The following CCDC102B variants were observed in gnomAD, a reference collection of about 807,000 sequenced individuals.
CCDC102B encodes the protein coiled-coil domain containing 102B.
Under a neutral mutation model 57.4 loss-of-function variants are expected in CCDC102B, and 75 were observed. The observed-to-expected ratio is 1.31, with a 90% CI of 1.08 to 1.58. The LOEUF (loss-of-function observed/expected upper bound fraction) is 1.58, where lower values mean the gene tolerates loss of function less well. Among genes scored for constraint, CCDC102B ranks in the 40% most tolerant of loss-of-function variants. The pLI, the probability that CCDC102B is intolerant of heterozygous loss-of-function variation, is 0.00. For synonymous variants in CCDC102B, 206 were observed against 201.9 expected (o/e 1.02, Z -0.17); for missense variants, 636 against 582.6 (o/e 1.09, Z -0.94).
chr18:68,761,606 G>A (rs1031261105), intron 2 of CCDC102B, among the ~76,000 whole-genome samples: 4 of 151,620 alleles, frequency 2.6e-5, no homozygotes, highest in African/African-American at 9.7e-5. Flanking sequence ...TTATTATTTT[G>A]TTGCAAACTT....
At chr18:68,741,704 CA>C (rs1568227133) in intron 2 of CCDC102B, among the ~76,000 whole-genome samples, 69 of 117,178 alleles carry the variant, frequency 5.9e-4, no homozygotes, top group Admixed American at 1.1e-3. Flanking sequence ...CACACACACA[CA>C]CACACACACC....
At chr18:68,983,293 A>G (rs1851593498) in intron 6 of CCDC102B, among the ~76,000 whole-genome samples, 1 of 151,926 alleles carries the variant, frequency 6.6e-6, no homozygotes, top group Non-Finnish European at 1.5e-5. Flanking sequence ...TGAAATGGAC[A>G]TTTGGCAGTT....
In CCDC102B at chr18:69,023,461, A is replaced by G. The variant is rs2051902802; in HGVS notation, c.1434+12357A>G. On this transcript the variant is annotated intron_variant, in intron 7 of 7. Transcript: ENST00000360242. ...CTTATATTATGTAGTGGTATTTAAT[A>G]CTTCAGAATTTAACAAATAATGTAA... 3.3e-5 allele frequency among the ~76,000 whole-genome samples: 5 copies of G among 152,108 alleles called. No individual in the cohort carries two copies. The South Asian group carries it at 1.0e-3, about 32-fold the overall frequency.
intron 2 of CCDC102B, among the ~76,000 whole-genome samples, chr18:68,770,096 T>C (rs2034591253): frequency 6.6e-6 from 1 of 152,156 alleles, no homozygotes; most frequent in African/African-American, 2.4e-5. Context: ...AAGAAGAGCA[T>C]CTCCACATTT....
intron 6 of CCDC102B, among the ~76,000 whole-genome samples, chr18:68,975,204 G>T (rs974274906): frequency 5.3e-5 from 8 of 151,898 alleles, no homozygotes; most frequent in African/African-American, 1.7e-4. Context: ...AATTTTTCAG[G>T]ATTGATTATT....
intron 6 of CCDC102B, among the ~76,000 whole-genome samples, chr18:68,967,858 G>A (rs901830699): frequency 2.0e-5 from 3 of 152,140 alleles, no homozygotes; most frequent in Admixed American, 2.0e-4. Context: ...TCTCAAATTA[G>A]CCATTAAGAG....
intron 6 of CCDC102B, among the ~76,000 whole-genome samples, chr18:68,916,737 G>A (rs1342440986): frequency 6.6e-6 from 1 of 152,200 alleles, no homozygotes; most frequent in Non-Finnish European, 1.5e-5. Context: ...AAAGTCTCTT[G>A]AGGTGACTCT....
chr18:68,836,889 C>T lies in CCDC102B; in HGVS notation c.126C>T (p.Thr42=). ...PASPPRDTCN[T]CFPLHGLQSH... is the part of the protein sequence containing the mutation. ...CACCCCCCAGGGATACCTGTAATAC[C>T]TGCTTCCCACTTCATGGGCTACAAT... The change falls in exon 2 of 8, where the codon ACC becomes ACT. Residue 42 remains threonine (T), a synonymous_variant. Coordinates refer to ENST00000360242, the MANE Select transcript of CCDC102B (RefSeq NM_024781.3). 6.2e-7 allele frequency: 1 copy of T among 1,614,116 alleles called. No individual in the cohort carries two copies.
chr18:68,832,728 A>G (rs1401641186), intron 1 of CCDC102B, among the ~76,000 whole-genome samples: 1 of 151,882 alleles, frequency 6.6e-6, no homozygotes, highest in African/African-American at 2.4e-5. Context: ...TTAGTAGGAA[A>G]GTATAACCTG....
chr18:68,860,457 A>AAC (rs1259306032), intron 4 of CCDC102B, among the ~76,000 whole-genome samples: 1 of 103,660 alleles, frequency 9.6e-6, no homozygotes, highest in Non-Finnish European at 2.1e-5. Flanking sequence ...TATAATTAAA[A>AAC]AAAAACAAAA....
chr18:68,732,880 A>G (rs909046777), intron 2 of CCDC102B, among the ~76,000 whole-genome samples: 3 of 152,142 alleles, frequency 2.0e-5, no homozygotes, highest in East Asian at 1.9e-4. Flanking sequence ...CTAAACATCC[A>G]TCGCACAAGT....
chr18:68,908,091 A>T (rs563900234), intron 6 of CCDC102B: 4 of 152,160 alleles, frequency 2.6e-5, no homozygotes, highest in South Asian at 2.1e-4. Context: ...TAAATGACTC[A>T]TTTTATTGTG....
chr18:68,935,931 T>A (rs2145153073), intron 6 of CCDC102B, among the ~76,000 whole-genome samples: 1 of 152,000 alleles, frequency 6.6e-6, no homozygotes, highest in East Asian at 1.9e-4. Context: ...CCCTTCTGCT[T>A]AGTGCTCCAC....
In CCDC102B at chr18:68,816,436, A is replaced by G. The variant is rs990974696; in HGVS notation, c.-16+18255A>G. Among the ~76,000 whole-genome samples, 5 of 149,230 alleles carry G rather than the reference A, an allele frequency of 3.4e-5. No homozygotes were observed. In the East Asian group the frequency reaches 9.7e-4, roughly 29 times the overall value. Reference sequence around the variant, plus strand: ...AAGTTAAATCAAGTCACTTTTCACTATAGTCTTCTTCCTATTTCCTTTCTT... The same window carrying G: ...AAGTTAAATCAAGTCACTTTTCACTGTAGTCTTCTTCCTATTTCCTTTCTT... On this transcript the variant is annotated intron_variant, in intron 1 of 7. Transcript: ENST00000360242.
intron 6 of CCDC102B, among the ~76,000 whole-genome samples, chr18:68,956,879 A>G (rs1043397781): frequency 4.6e-5 from 7 of 151,626 alleles, no homozygotes; most frequent in African/African-American, 1.7e-4. Flanking sequence ...CTGATGGTCC[A>G]TGATGTTAAG....
At chr18:68,897,653 A>C in intron 6 of CCDC102B, 1 of 1,458,940 alleles carries the variant, frequency 6.9e-7, no homozygotes, top group East Asian at 2.9e-5. Context: ...AGACAGTTTC[A>C]AGATTTCCAA....
chr18:68,837,355 G>A lies in CCDC102B; in HGVS notation c.592G>A (p.Asp198Asn). 1 of 1,607,418 alleles carries A rather than the reference G, an allele frequency of 6.2e-7. No individual in the cohort carries two copies. Among genetic ancestry groups the A allele is most frequent in the Admixed American group, 1.7e-5 (1 of 59,128 alleles). Residue 198 changes from aspartate to asparagine, a missense_variant, in exon 2 of 8, where the codon GAC (aspartate) becomes AAC (asparagine). By Grantham distance (23) the Asp-to-Asn change is conservative. Transcript: ENST00000360242. ...AAAAAGACAATTTTCTACAAAGGAG[G>A]ACACAAATAATAAGGTAAGAAAAAA... ...LVKRQFSTKE[D>N]TNNKEQGVVI...
intron 6 of CCDC102B, among the ~76,000 whole-genome samples, chr18:68,950,091 A>G (rs144745272): frequency 3.7e-4 from 56 of 152,260 alleles, no homozygotes; most frequent in Admixed American, 5.9e-4. Flanking sequence ...TCAAGATAAC[A>G]TGAGATGAAG....
chr18:68,796,843 A>ATT (rs2035645556), upstream of CCDC102B, among the ~76,000 whole-genome samples: 1 of 146,992 alleles, frequency 6.8e-6, no homozygotes, highest in Non-Finnish European at 1.5e-5. Context: ...ATGTACATGC[A>ATT]TGTGTGTGTG....
Sources: gnomAD v4.1 joint callset for allele counts (sites outside exome capture counted in the v4.1 genomes callset) on GRCh38, gnomAD v4.1.1 for gene constraint, MANE v1.5 for transcripts, NCBI Gene and HGNC (gene_info 2026-07-23, HGNC 2026-07-21) for gene names.